Variants in TTC28 observed in about 807,000 individuals in gnomAD.
The protein encoded by TTC28 is tetratricopeptide repeat domain 28, also known as tetratricopeptide repeat protein 28.
A neutral mutation model predicts 198.0 loss-of-function variants in TTC28; 61 were observed. That is an observed-to-expected ratio of 0.31 (90% confidence interval 0.25 to 0.38). The LOEUF (loss-of-function observed/expected upper bound fraction) is 0.38, where lower values mean the gene tolerates loss of function less well. Among genes scored for constraint, TTC28 ranks in the 10% least tolerant of loss-of-function variants. The pLI is 1.00. For synonymous variants in TTC28, 1,171 were observed against 1,297.8 expected (o/e 0.90, Z 2.10); for missense variants, 2,678 against 3,164.0 (o/e 0.85, Z 3.69).
intron 17 of TTC28, 63 bp from the exon 18 acceptor site, chr22:27,993,581 T>C (rs1246055862): frequency 6.9e-7 from 1 of 1,453,392 alleles, no homozygotes; most frequent in African/African-American, 1.4e-5. Context: ...CCGCATGGCT[T>C]TGAGGGTACA....
chr22:27,985,570 C>A, intron 21 of TTC28: 1 of 449,670 alleles, frequency 2.2e-6, no homozygotes, highest in Non-Finnish European at 4.2e-6. Flanking sequence ...CTACGCAGCC[C>A]CCATTTGGCG....
At chr22:28,413,427 A>G (rs2047117898) in intron 2 of TTC28, among the ~76,000 whole-genome samples, 1 of 152,198 alleles carries the variant, frequency 6.6e-6, no homozygotes, top group Admixed American at 6.5e-5. Context: ...TAAAATTAAA[A>G]AAAAAAGTTT....
chr22:28,467,735 A>C (rs2048042454), intron 2 of TTC28, among the ~76,000 whole-genome samples: 1 of 152,186 alleles, frequency 6.6e-6, no homozygotes. Flanking sequence ...ATATCAGAAA[A>C]GTGAAACAAA....
chr22:28,044,701 G>C (rs759701917), intron 12 of TTC28, among the ~76,000 whole-genome samples: 1 of 152,152 alleles, frequency 6.6e-6, no homozygotes, highest in Admixed American at 6.5e-5. Context: ...AGAACATGTG[G>C]TGTTTGGTTG....
intron 12 of TTC28, among the ~76,000 whole-genome samples, chr22:28,041,138 A>G (rs760158243): frequency 3.3e-5 from 5 of 152,222 alleles, no homozygotes; most frequent in Non-Finnish European, 7.3e-5. Context: ...AATCAATATC[A>G]TGAAAATGGC....
chr22:28,339,949 G>A lies in TTC28; in HGVS notation c.382-33306C>T, dbSNP rs935142674. Among the ~76,000 whole-genome samples the A allele has an allele frequency of 5.3e-5, 8 of 152,154 alleles. No homozygotes were observed. The East Asian group carries it at 1.5e-3, about 29-fold the overall frequency. ...GTGAGATGAACCCGGTACCTCAGTT[G>A]GAAATGCAGAAATCACCCGTCTTCT... is the stretch of plus-strand genomic sequence containing the variant. On this transcript the variant is annotated intron_variant, in intron 2 of 22. Coordinates refer to ENST00000397906, the MANE Select transcript of TTC28 (RefSeq NM_001145418.2).
At chr22:28,286,649 G>C (rs558129802) in intron 5 of TTC28, among the ~76,000 whole-genome samples, 1 of 152,196 alleles carries the variant, frequency 6.6e-6, no homozygotes, top group South Asian at 2.1e-4. Context: ...CTTATGTAAT[G>C]ATAAAACTAT....
At chr22:28,082,184 T>C (rs562833574) in intron 12 of TTC28, among the ~76,000 whole-genome samples, 2 of 152,346 alleles carry the variant, frequency 1.3e-5, no homozygotes, top group East Asian at 1.9e-4. Flanking sequence ...ACATATAAGA[T>C]CATGTCATCT....
At chr22:28,467,933 T>C (rs1336459790) in intron 2 of TTC28, among the ~76,000 whole-genome samples, 2 of 152,040 alleles carry the variant, frequency 1.3e-5, no homozygotes, top group East Asian at 3.9e-4. Context: ...GGCTAATTTT[T>C]TTCTTTTTTT....
intron 2 of TTC28, among the ~76,000 whole-genome samples, chr22:28,437,066 C>T (rs1014742066): frequency 2.6e-5 from 4 of 152,038 alleles, no homozygotes; most frequent in African/African-American, 9.7e-5. Flanking sequence ...ATCAGTAAAG[C>T]TTATTTTATT....
intron 5 of TTC28, among the ~76,000 whole-genome samples, chr22:28,248,292 C>T (rs1215678551): frequency 6.6e-6 from 1 of 152,176 alleles, no homozygotes; most frequent in Non-Finnish European, 1.5e-5. Flanking sequence ...CTTGACAGTT[C>T]TCACTGTAGC....
intron 2 of TTC28, among the ~76,000 whole-genome samples, chr22:28,322,992 A>T (rs2045470835): frequency 6.6e-6 from 1 of 152,192 alleles, no homozygotes; most frequent in Non-Finnish European, 1.5e-5. Context: ...ATCTGATTAC[A>T]TTGGGCCCAC....
chr22:28,304,463 T>C (rs998573526), intron 3 of TTC28, among the ~76,000 whole-genome samples: 1 of 152,006 alleles, frequency 6.6e-6, no homozygotes, highest in Non-Finnish European at 1.5e-5. Flanking sequence ...GTAAAGACAA[T>C]GCTGAAAATA....
At chr22:28,311,808 C>T (rs950786041) in intron 2 of TTC28, among the ~76,000 whole-genome samples, 2 of 151,692 alleles carry the variant, frequency 1.3e-5, no homozygotes, top group Admixed American at 6.6e-5. Context: ...CCTTACTCGC[C>T]CCCACACACA....
intron 2 of TTC28, among the ~76,000 whole-genome samples, chr22:28,474,634 G>A (rs1026675693): frequency 6.6e-6 from 1 of 152,214 alleles, no homozygotes; most frequent in East Asian, 1.9e-4. Context: ...TAGAAGAGTT[G>A]GTGCTGCAAA....
At chr22:28,199,365 T>C (rs1190120789) in intron 5 of TTC28, among the ~76,000 whole-genome samples, 1 of 139,038 alleles carries the variant, frequency 7.2e-6, no homozygotes, top group Non-Finnish European at 1.5e-5. Context: ...TAAAGTATAA[T>C]GCCACTTACA....
In TTC28 at chr22:28,032,267, A is replaced by AGTGTGTGT. The variant is rs370005298; in HGVS notation, c.3933-1909_3933-1902dup. Among the ~76,000 whole-genome samples the AGTGTGTGT allele has an allele frequency of 8.5e-4, 67 of 78,710 alleles. 1 individual carries two copies. Among genetic ancestry groups the AGTGTGTGT allele is most frequent in the African/African-American group, 3.9e-3 (61 of 15,826 alleles). 51.6% of individuals were successfully genotyped at this position (78,710 alleles called of 152,430 possible). A position where few individuals can be genotyped will look rare whatever the true frequency, so the allele number is the denominator to read the frequency against. ...ATATATAAAATATATATATATATAT[A>AGTGTGTGT]GTGTGTGTGTGTGTGTGTGTGTGTG... On this transcript the variant is annotated intron_variant, in intron 12 of 22. Transcript: ENST00000397906.
At chr22:28,429,358 G>C (rs1421998738) in intron 2 of TTC28, among the ~76,000 whole-genome samples, 1 of 152,140 alleles carries the variant, frequency 6.6e-6, no homozygotes, top group Non-Finnish European at 1.5e-5. Flanking sequence ...ACACAGAAAA[G>C]TGTCTTCACA....
At chr22:28,549,415 T>C (rs1211543866) in intron 2 of TTC28, among the ~76,000 whole-genome samples, 1 of 152,238 alleles carries the variant, frequency 6.6e-6, no homozygotes, top group Admixed American at 6.5e-5. Flanking sequence ...TTAAGGGCTC[T>C]AAGTTTCTTG....
Sources: allele counts gnomAD v4.1 joint callset (sites outside exome capture counted in the v4.1 genomes callset), GRCh38; gene constraint gnomAD v4.1.1; transcripts MANE v1.5; gene names NCBI Gene and HGNC (gene_info 2026-07-23, HGNC 2026-07-21).